Variants in LHFPL2 observed in about 807,000 individuals in gnomAD.
LHFPL2 encodes LHFPL tetraspan subfamily member 2, also known as LHFPL tetraspan subfamily member 2 protein.
In LHFPL2, 7 loss-of-function variants were observed where a neutral mutation model predicts 17.5. The observed-to-expected ratio is 0.40, with a 90% CI of 0.23 to 0.75. The LOEUF is 0.75. LHFPL2 is among the 30% of genes least tolerant of loss of function. The pLI, the probability that LHFPL2 is intolerant of heterozygous loss-of-function variation, is 0.37. For missense variants in LHFPL2, 241 were observed against 294.8 expected (o/e 0.82, Z 1.34); for synonymous variants, 134 against 116.2 (o/e 1.15, Z -0.99).
At chr5:78,544,719 A>G (rs893609857) in intron 3 of LHFPL2, among the ~76,000 whole-genome samples, 1 of 151,152 alleles carries the variant, frequency 6.6e-6, no homozygotes, top group Non-Finnish European at 1.5e-5. Flanking sequence ...CCAAAGGCAG[A>G]AAAGTGTGCC....
intron 1 of LHFPL2, chr5:78,644,191 C>A (rs1056576147): frequency 3.3e-4 from 189 of 579,662 alleles, no homozygotes; most frequent in Non-Finnish European, 4.0e-4. Flanking sequence ...ATTTCAATTT[C>A]TTTAAAAGAA....
chr5:78,630,647 CG>C (rs1231972867), intron 2 of LHFPL2, among the ~76,000 whole-genome samples: 1 of 151,874 alleles, frequency 6.6e-6, no homozygotes, highest in African/African-American at 2.4e-5. Context: ...GAAGAAACCA[CG>C]GGGAAGTGAC....
intron 3 of LHFPL2, among the ~76,000 whole-genome samples, chr5:78,538,969 A>G (rs1561328960): frequency 6.6e-6 from 1 of 152,166 alleles, no homozygotes; most frequent in Non-Finnish European, 1.5e-5. Context: ...CTGCTCTCCA[A>G]TGGCGACATA....
chr5:78,540,681 G>C (rs1361218453), intron 3 of LHFPL2, among the ~76,000 whole-genome samples: 1 of 152,220 alleles, frequency 6.6e-6, no homozygotes, highest in East Asian at 1.9e-4. Flanking sequence ...CTGCCTCTCT[G>C]TAACCAGCTT....
At chr5:78,645,997 G>A (rs989393649) in intron 1 of LHFPL2, among the ~76,000 whole-genome samples, 10 of 152,242 alleles carry the variant, frequency 6.6e-5, no homozygotes, top group African/African-American at 2.4e-4. Context: ...AGAGTCCCAA[G>A]AGAGGCACTT....
intron 2 of LHFPL2, among the ~76,000 whole-genome samples, chr5:78,581,967 A>G (rs1213384904): frequency 6.6e-6 from 1 of 152,142 alleles, no homozygotes; most frequent in African/African-American, 2.4e-5. Context: ...ACAATTTCAG[A>G]TCCTGTTATT....
chr5:78,637,433 A>G (rs1745494425), intron 1 of LHFPL2, among the ~76,000 whole-genome samples: 1 of 152,128 alleles, frequency 6.6e-6, no homozygotes. Context: ...ACCATATCTC[A>G]ACTGGAAGAG....
chr5:78,570,634 G>GTATATATA (rs147435933), intron 2 of LHFPL2, among the ~76,000 whole-genome samples: 323 of 145,360 alleles, frequency 2.2e-3, no homozygotes, highest in African/African-American at 7.5e-3. Flanking sequence ...TATATATATA[G>GTATATATA]TATATATATA....
At chr5:78,558,575 C>T (rs985488693) in intron 3 of LHFPL2, among the ~76,000 whole-genome samples, 2 of 152,166 alleles carry the variant, frequency 1.3e-5, no homozygotes, top group South Asian at 4.1e-4. Flanking sequence ...CTCCTGGGCT[C>T]AAGCAATCCT....
intron 2 of LHFPL2, among the ~76,000 whole-genome samples, chr5:78,614,979 C>T (rs982071485): frequency 1.3e-5 from 2 of 152,330 alleles, no homozygotes; most frequent in Admixed American, 1.3e-4. Context: ...CTTTTTACTA[C>T]TCTACTAGCT....
At position 78,486,875 on chromosome 5, in the gene LHFPL2, C is replaced by CAAGA. The variant is rs1289323955; in HGVS notation, c.*2018_*2021dup. ...AGTGTCAGAAAATGGTTTCTCTATC[C>CAAGA]AAGAAAGAAAGAAAAGTGAGTCTTC... On this transcript the variant is annotated 3_prime_UTR_variant, in exon 5 of 5. Transcript: ENST00000380345. The CAAGA allele has an allele frequency of 6.6e-6, 1 of 151,986 alleles. No individual in the cohort carries two copies. Among genetic ancestry groups the CAAGA allele is most frequent in the African/African-American group, 2.4e-5 (1 of 41,330 alleles). The allele number at this position is 151,986 out of a possible 1,614,324, so 9.4% of individuals were successfully genotyped here.
chr5:78,563,140 C>A (rs1332475685), intron 3 of LHFPL2, among the ~76,000 whole-genome samples: 1 of 152,186 alleles, frequency 6.6e-6, no homozygotes, highest in African/African-American at 2.4e-5. Flanking sequence ...AGTTGTAGAA[C>A]TCTATGAGCA....
intron 3 of LHFPL2, among the ~76,000 whole-genome samples, chr5:78,562,700 G>A (rs766317913): frequency 6.6e-6 from 1 of 151,558 alleles, no homozygotes; most frequent in African/African-American, 2.4e-5. Flanking sequence ...AATTAACTCA[G>A]AATGTCTGTT....
intron 3 of LHFPL2, among the ~76,000 whole-genome samples, chr5:78,554,563 C>T (rs558776735): frequency 1.2e-4 from 19 of 152,356 alleles, no homozygotes; most frequent in African/African-American, 4.6e-4. Flanking sequence ...GCAGAATCTG[C>T]TTTTGGGGAA....
chr5:78,554,696 A>G (rs749274105), intron 3 of LHFPL2, among the ~76,000 whole-genome samples: 1 of 152,250 alleles, frequency 6.6e-6, no homozygotes, highest in Non-Finnish European at 1.5e-5. Context: ...GCCATGGCTT[A>G]TTCGTGCTGA....
At chr5:78,614,399 A>G (rs569695640) in intron 2 of LHFPL2, among the ~76,000 whole-genome samples, 1 of 152,338 alleles carries the variant, frequency 6.6e-6, no homozygotes, top group African/African-American at 2.4e-5. Context: ...TTACCTGTAC[A>G]ATGAGCCTCT....
chr5:78,619,375 A>T (rs915140107), intron 2 of LHFPL2, among the ~76,000 whole-genome samples: 3 of 152,004 alleles, frequency 2.0e-5, no homozygotes, highest in Admixed American at 6.6e-5. Context: ...TTTCTAGAAG[A>T]TATTTCAATG....
chr5:78,590,511 A>G (rs1211377367), intron 2 of LHFPL2, among the ~76,000 whole-genome samples: 1 of 151,726 alleles, frequency 6.6e-6, no homozygotes, highest in African/African-American at 2.4e-5. Flanking sequence ...ATGTTATTCA[A>G]TTTTTTTTTC....
At chr5:78,570,801 G>A (rs1011083914) in intron 2 of LHFPL2, among the ~76,000 whole-genome samples, 3 of 152,066 alleles carry the variant, frequency 2.0e-5, no homozygotes, top group Non-Finnish European at 2.9e-5. Context: ...CAGGCAGACA[G>A]GTGAGTGCAG....
Sources: allele counts gnomAD v4.1 joint callset (sites outside exome capture counted in the v4.1 genomes callset), GRCh38; gene constraint gnomAD v4.1.1; transcripts MANE v1.5; gene names NCBI Gene and HGNC (gene_info 2026-07-23, HGNC 2026-07-21).